MVB12B: variants seen among roughly 807,000 people sequenced by gnomAD.
The protein encoded by MVB12B is multivesicular body subunit 12B.
In MVB12B, 16 loss-of-function variants were observed where a neutral mutation model predicts 41.6. That is an observed-to-expected ratio of 0.38 (90% CI 0.26 to 0.58). The LOEUF (loss-of-function observed/expected upper bound fraction) is 0.58. Among genes scored for constraint, MVB12B ranks in the 20% least tolerant of loss-of-function variants. The probability of loss-of-function intolerance (pLI) is 0.62; values close to 1 mark genes in which losing one functional copy is unlikely to be tolerated. For synonymous variants in MVB12B, 133 were observed against 139.7 expected, an observed-to-expected ratio of 0.95 and a Z score of 0.34; for missense variants, 274 against 380.2, an observed-to-expected ratio of 0.72 and a Z score of 2.32.
chr9:126,444,689 G>C (rs1832722728), intron 7 of MVB12B, among the ~76,000 whole-genome samples: 1 of 151,660 alleles, frequency 6.6e-6, no homozygotes, highest in Non-Finnish European at 1.5e-5. Flanking sequence ...AAGCCTTCTC[G>C]GTTTTCTGGT....
rs372034264 is a variant in MVB12B, at chr9:126,381,108, C to T, written c.249C>T (p.Asp83=). ...ADGVDADLWK[D]GLFKSKVTRY... ...GTGTGGATGCTGACCTCTGGAAAGA[C>T]GGCTTATTTAAATCCAAGGTTACCA... Residue 83 remains aspartate, a synonymous_variant, in exon 3 of 10, where the codon GAC becomes GAT. Transcript: ENST00000361171. 204 of 1,614,138 alleles carry T rather than the reference C, an allele frequency of 1.3e-4. 1 individual carries two copies. Among genetic ancestry groups the T allele is most frequent in the African/African-American group, 5.2e-4 (39 of 75,032 alleles).
intron 7 of MVB12B, chr9:126,426,881 G>T (rs1371512755): frequency 6.6e-6 from 1 of 152,372 alleles, no homozygotes; most frequent in African/African-American, 2.4e-5. Flanking sequence ...CATAAACAGG[G>T]TCCCGTGGGT....
intron 9 of MVB12B, among the ~76,000 whole-genome samples, chr9:126,500,790 T>G (rs1031250232): frequency 3.3e-5 from 5 of 152,196 alleles, no homozygotes; most frequent in African/African-American, 1.2e-4. Context: ...CTAGGTGCCG[T>G]CCATGCCCTT....
chr9:126,450,215 C>T (rs1832864459), intron 7 of MVB12B, among the ~76,000 whole-genome samples: 1 of 152,228 alleles, frequency 6.6e-6, no homozygotes, highest in African/African-American at 2.4e-5. Context: ...CCTGGCCCTC[C>T]CTGGGAAGGA....
intron 7 of MVB12B, among the ~76,000 whole-genome samples, chr9:126,463,813 A>G (rs1833140160): frequency 6.6e-6 from 1 of 152,162 alleles, no homozygotes; most frequent in South Asian, 2.1e-4. Context: ...GTCATATTTT[A>G]TACCATTTTT....
chr9:126,354,988 C>CTT (rs1829842569), intron 2 of MVB12B, among the ~76,000 whole-genome samples: 1 of 152,066 alleles, frequency 6.6e-6, no homozygotes, highest in South Asian at 2.1e-4. Context: ...AAAGTGGAGT[C>CTT]TAACTTATTT....
At chr9:126,337,606 A>G (rs933515209) in intron 1 of MVB12B, among the ~76,000 whole-genome samples, 1 of 152,224 alleles carries the variant, frequency 6.6e-6, no homozygotes, top group Admixed American at 6.5e-5. Context: ...CAGCCGTCCC[A>G]TTCCTGGAAG....
At chr9:126,393,973 G>A (rs1454366206) in intron 5 of MVB12B, among the ~76,000 whole-genome samples, 2 of 152,222 alleles carry the variant, frequency 1.3e-5, no homozygotes, top group East Asian at 3.8e-4. Context: ...ATGAGCCCTC[G>A]TGGCATTTGC....
intron 6 of MVB12B, among the ~76,000 whole-genome samples, chr9:126,402,987 G>A (rs936465554): frequency 9.9e-5 from 15 of 152,220 alleles, no homozygotes; most frequent in Non-Finnish European, 2.1e-4. Flanking sequence ...TCTCAGAGAC[G>A]AGCCCTCTGG....
rs557403632 is a variant in MVB12B at position 126,505,667 on chromosome 9, TGTGTGTGTGTGTATATGTGTGTGTGTGC to T, written c.*2405_*2432del. 9.1e-3 allele frequency: 1,249 copies of T among 137,948 alleles called. 22 individuals are homozygous for T. Among genetic ancestry groups the T allele is most frequent in the Non-Finnish European group, 0.011 (688 of 62,900 alleles). 8.5% of individuals were successfully genotyped at this position (137,948 alleles called of 1,614,324 possible). ...ACAAGCATGTGCCTGTGTGTGTGTG[TGTGTGTGTGTGTATATGTGTGTGTGTGC>T]ACGCACATGCGTGTGTATAAGCCCA... On this transcript the variant is annotated 3_prime_UTR_variant, in exon 10 of 10. Transcript: ENST00000361171.
chr9:126,341,548 G>A (rs1409212181), intron 2 of MVB12B, among the ~76,000 whole-genome samples: 1 of 152,216 alleles, frequency 6.6e-6, no homozygotes, highest in African/African-American at 2.4e-5. Context: ...ACAGCAATTA[G>A]AATAGTCTCT....
Position 126,395,953 on chromosome 9 carries a change from T to C in MVB12B, c.662+256T>C, listed in dbSNP as rs779530976. On this transcript the variant is annotated intron_variant, in intron 6 of 9. Coordinates refer to ENST00000361171, the MANE Select transcript of MVB12B (RefSeq NM_033446.3). The surrounding 1 kb of genome is among the most constrained non-coding windows in gnomAD (Gnocchi z 4.9). ...AAATTGCAGATTATGCAACTTAAAA[T>C]TGGCTCCCTATTCAAAAGAGCTGCT... 86 of 1,296,252 alleles carry C rather than the reference T, an allele frequency of 6.6e-5. 1 individual carries two copies. In the Admixed American group the frequency reaches 2.3e-3, roughly 35 times the overall value. The allele number at this position is 1,296,252 out of a possible 1,614,324, so 80.3% of individuals were successfully genotyped here. A position where few individuals can be genotyped will look rare whatever the true frequency, so the allele number is the denominator to read the frequency against.
In MVB12B at chr9:126,493,718, C is replaced by T. The variant is rs148960929; in HGVS notation, c.874-9459C>T. Among the ~76,000 whole-genome samples, 244 of 152,332 alleles carry T rather than the reference C, an allele frequency of 1.6e-3. 1 individual carries two copies. Among genetic ancestry groups the T allele is most frequent in the African/African-American group, 4.7e-3 (194 of 41,562 alleles). Reference sequence around the variant, plus strand: ...TTGGTCCTTTCTCTTTAGGTCATTCCTAGGTGCTTTCTGTCTTTGTGGTTC... The same window carrying T: ...TTGGTCCTTTCTCTTTAGGTCATTCTTAGGTGCTTTCTGTCTTTGTGGTTC... On this transcript the variant is annotated intron_variant, in intron 9 of 9. Transcript: ENST00000361171.
intron 8 of MVB12B, among the ~76,000 whole-genome samples, chr9:126,482,703 A>G (rs1181415408): frequency 6.6e-6 from 1 of 152,008 alleles, no homozygotes; most frequent in Non-Finnish European, 1.5e-5. Context: ...AGAGCACCAC[A>G]CTGTTCCGTG....
At chr9:126,485,772 C>G (rs985098633) in intron 9 of MVB12B, among the ~76,000 whole-genome samples, 1 of 88,722 alleles carries the variant, frequency 1.1e-5, no homozygotes, top group Admixed American at 1.1e-4. Context: ...AAAAAAGAAA[C>G]CCAGGACTGG....
intron 2 of MVB12B, among the ~76,000 whole-genome samples, chr9:126,341,052 C>T (rs1272430433): frequency 6.6e-6 from 1 of 152,200 alleles, no homozygotes; most frequent in Non-Finnish European, 1.5e-5. Context: ...TCATTTAGCT[C>T]TCTTGGGCTT....
intron 9 of MVB12B, among the ~76,000 whole-genome samples, chr9:126,490,596 A>G (rs1833712260): frequency 6.6e-6 from 1 of 152,358 alleles, no homozygotes; most frequent in East Asian, 1.9e-4. Context: ...TGGCGGAGCA[A>G]CAGCCTCCAT....
chr9:126,429,345 A>G (rs1418692720), intron 7 of MVB12B, among the ~76,000 whole-genome samples: 3 of 152,214 alleles, frequency 2.0e-5, no homozygotes, highest in South Asian at 2.1e-4. Context: ...ATCCTGATGT[A>G]AAAGGTGCGG....
intron 2 of MVB12B, among the ~76,000 whole-genome samples, chr9:126,360,894 C>G (rs1307035756): frequency 1.3e-5 from 2 of 152,182 alleles, no homozygotes; most frequent in Admixed American, 6.5e-5. Flanking sequence ...AGTATAGCCA[C>G]TACAGCTTTC....
Sources: allele counts gnomAD v4.1 joint callset (sites outside exome capture counted in the v4.1 genomes callset), GRCh38; gene constraint gnomAD v4.1.1; non-coding constraint Gnocchi (gnomAD v3.1); transcripts MANE v1.5; gene names NCBI Gene and HGNC (gene_info 2026-07-23, HGNC 2026-07-21).